Variants in CRP observed in about 807,000 individuals in gnomAD.
The protein encoded by CRP is C-reactive protein, also known as C-reactive protein, pentraxin-related.
Under a neutral mutation model 3.0 loss-of-function variants are expected in CRP, and 6 were observed. The observed-to-expected ratio is 2.02, with a 90% CI of 1.11 to 3.99. The LOEUF is 3.99. Among genes scored for constraint, CRP ranks in the 30% most tolerant of loss-of-function variants. CRP has a pLI of 0.00. For synonymous variants in CRP, 130 were observed against 111.0 expected (o/e 1.17, Z -1.08); for missense variants, 297 against 271.0 (o/e 1.10, Z -0.67).
In CRP at chr1:159,713,499, G is replaced by A. The variant is rs1660730022; in HGVS notation, c.*26C>T. 2.5e-6 allele frequency: 4 copies of A among 1,579,356 alleles called. No homozygotes were observed. Among genetic ancestry groups the A allele is most frequent in the African/African-American group, 2.7e-5 (2 of 73,190 alleles). Reference sequence around the variant, plus strand: ...CCCATGCGGTGTAAAAAACCGGGAGGTACCTTCAGGACCCACAGCTGGGCC... The same window carrying A: ...CCCATGCGGTGTAAAAAACCGGGAGATACCTTCAGGACCCACAGCTGGGCC... On this transcript the variant is annotated 3_prime_UTR_variant, in exon 2 of 2. Transcript: ENST00000255030.
chr1:159,714,261 AC>A (rs1287751242), intron 1 of CRP, 123 bp from the exon 2 acceptor site: 32 of 83,142 alleles, frequency 3.8e-4, no homozygotes, highest in Middle Eastern at 2.7e-3. Flanking sequence ...TACACACCAC[AC>A]ACACACACAC....
chr1:159,713,945 C>T lies in CRP; in HGVS notation c.255G>A (p.Trp85Ter), dbSNP rs375644141. Residue 85 changes from tryptophan to a stop codon, truncating the protein, a stop_gained, in exon 2 of 2, where the codon TGG (tryptophan) becomes TGA (stop). Coordinates refer to ENST00000255030, the MANE Select transcript of CRP (RefSeq NM_000567.3). LOFTEE classifies it low-confidence loss of function (END_TRUNC). Reference protein sequence around the residue: ...KRQDNEILIFWSKDIGYSFTV... With the variant: ...KRQDNEILIF Reference sequence around the variant, plus strand: ...TAAAACTGTATCCTATATCCTTAGACCAAAATATGAGAATCTCATTGTCTT... The same window carrying T: ...TAAAACTGTATCCTATATCCTTAGATCAAAATATGAGAATCTCATTGTCTT... 7 of 1,613,866 alleles carry T rather than the reference C, an allele frequency of 4.3e-6. No homozygotes were observed. In the Admixed American group the frequency reaches 1.0e-4, roughly 23 times the overall value.
At position 159,713,373 on chromosome 1, in the gene CRP, G is replaced by T. The variant is rs943670947; in HGVS notation, c.*152C>A. The T allele has an allele frequency of 4.2e-6, 4 of 952,882 alleles. No homozygotes were observed. Among genetic ancestry groups the T allele is most frequent in the Non-Finnish European group, 4.6e-6 (3 of 657,936 alleles). 59.0% of individuals were successfully genotyped at this position (952,882 alleles called of 1,614,324 possible). Reference sequence around the variant, plus strand: ...ATTCTCAGGCGCTGAGGAGGGTGGAGCAGGCCTGCAATGCATATAGGGGAA... The same window carrying T: ...ATTCTCAGGCGCTGAGGAGGGTGGATCAGGCCTGCAATGCATATAGGGGAA... On this transcript the variant is annotated 3_prime_UTR_variant, in exon 2 of 2. Coordinates refer to ENST00000255030, the MANE Select transcript of CRP (RefSeq NM_000567.3).
At chr1:159,714,202 C>A in intron 1 of CRP, 64 bp from the exon 2 acceptor site, 10 of 1,551,328 alleles carry the variant, frequency 6.4e-6, no homozygotes, top group South Asian at 2.5e-5. Context: ...TATCCCCTCA[C>A]TTACGTATAG....
intron 1 of CRP, 118 bp from the exon 2 acceptor site, chr1:159,714,256 AC>A (rs3138528): frequency 8.5e-6 from 8 of 941,082 alleles, no homozygotes; most frequent in Non-Finnish European, 1.2e-5. Flanking sequence ...CCAGTTACAC[AC>A]CACACACACA....
rs3093066 is a variant in CRP, at chr1:159,713,309, G to T, written c.*216C>A. On this transcript the variant is annotated 3_prime_UTR_variant, in exon 2 of 2. Transcript: ENST00000255030. ...TCTGATTCTTTTGGACCGTTTCCCA[G>T]CATAGTTAACGAGCTCCCAGACCAG... is the stretch of plus-strand genomic sequence containing the variant. The T allele has an allele frequency of 0.026, 13,683 of 524,840 alleles. 1,406 individuals carry two copies. Among genetic ancestry groups the T allele is most frequent in the African/African-American group, 0.23 (11,979 of 52,802 alleles). 32.5% of individuals were successfully genotyped at this position (524,840 alleles called of 1,614,324 possible).
At chr1:159,714,284 C>T in intron 1 of CRP, 141 bp downstream of exon 1, 1 of 1,112,036 alleles carries the variant, frequency 9.0e-7, no homozygotes, top group Non-Finnish European at 1.3e-6. Context: ...CACACACACA[C>T]ACACACACAC....
chr1:159,713,296 G>T lies in CRP; in HGVS notation c.*229C>A. On this transcript the variant is annotated 3_prime_UTR_variant, in exon 2 of 2. Transcript: ENST00000255030. ...AAACACCTCAAATTCTGATTCTTTT[G>T]GACCGTTTCCCAGCATAGTTAACGA... 2.0e-6 allele frequency: 1 copy of T among 488,076 alleles called. No homozygotes were observed. The highest frequency in any genetic ancestry group is 3.6e-6 in the Non-Finnish European group (1 of 281,328). 30.2% of individuals were successfully genotyped at this position (488,076 alleles called of 1,614,324 possible).
chr1:159,713,952 A>G lies in CRP; in HGVS notation c.248T>C (p.Ile83Thr). ...ATKRQDNEIL[I>T]FWSKDIGYSF... ...GTATCCTATATCCTTAGACCAAAATATGAGAATCTCATTGTCTTGTCTCTT... is the reference window on the plus strand; with the variant it reads ...GTATCCTATATCCTTAGACCAAAATGTGAGAATCTCATTGTCTTGTCTCTT... The change falls in exon 2 of 2, where the codon ATA becomes ACA. Residue 83 changes from isoleucine (I) to threonine (T), a missense_variant. Transcript: ENST00000255030. The G allele has an allele frequency of 6.2e-7, 1 of 1,613,930 alleles. No homozygotes were observed. Among genetic ancestry groups the G allele is most frequent in the Non-Finnish European group, 8.5e-7 (1 of 1,179,996 alleles).
At chr1:159,714,301 A>G in intron 1 of CRP, 124 bp downstream of exon 1, 1 of 1,158,574 alleles carries the variant, frequency 8.6e-7, no homozygotes, top group Non-Finnish European at 1.2e-6. Flanking sequence ...ACACACCATG[A>G]AGGATGCTCC....
intron 1 of CRP, 120 bp from the exon 2 acceptor site, chr1:159,714,258 CA>C (rs1660766516): frequency 4.0e-3 from 122 of 30,182 alleles, no homozygotes; most frequent in Non-Finnish European, 3.3e-4. Context: ...AGTTACACAC[CA>C]CACACACACA....
In CRP at chr1:159,713,828, G is replaced by T; in HGVS notation, c.372C>A (p.Ile124=). The T allele has an allele frequency of 1.2e-6, 2 of 1,614,044 alleles. No individual in the cohort carries two copies. Among genetic ancestry groups the T allele is most frequent in the Non-Finnish European group, 1.7e-6 (2 of 1,180,028 alleles). Residue 124 remains isoleucine (I), a synonymous_variant, in exon 2 of 2, where the codon ATC becomes ATA. Coordinates refer to ENST00000255030, the MANE Select transcript of CRP (RefSeq NM_000567.3). ...GCTTCCCATCTACCCAGAACTCCAC[G>T]ATCCCTGAGGCGGACTCCCAGCTTG... is the stretch of plus-strand genomic sequence containing the variant. ...ICTSWESASG[I]VEFWVDGKPR... is the part of the protein sequence containing the mutation.
Position 159,712,960 on chromosome 1 carries a change from G to A in CRP, c.*565C>T, listed in dbSNP as rs1660710792. The stretch of plus-strand genomic sequence containing the variant: ...AGTGGAGGGACTGCGTGGTATTGCT[G>A]GGCTTCCCATTTCAGGAGACCTGGG... On this transcript the variant is annotated 3_prime_UTR_variant, in exon 2 of 2. Transcript: ENST00000255030. 1 of 153,346 alleles carries A rather than the reference G, an allele frequency of 6.5e-6. No individual in the cohort carries two copies. The highest frequency in any genetic ancestry group is 1.5e-5 in the Non-Finnish European group (1 of 68,944). 9.5% of individuals were successfully genotyped at this position (153,346 alleles called of 1,614,324 possible).
At chr1:159,714,332 T>A in intron 1 of CRP, 93 bp downstream of exon 1, 1 of 169,968 alleles carries the variant, frequency 5.9e-6, no homozygotes, top group East Asian at 1.9e-4. Context: ...TCATACAGTC[T>A]TTTTTTTTTT....
At position 159,714,565 on chromosome 1, in the gene CRP, C is replaced by A; in HGVS notation, c.-80G>T. 6.8e-7 allele frequency: 1 copy of A among 1,461,968 alleles called. No individual in the cohort carries two copies. The highest frequency in any genetic ancestry group is 9.5e-7 in the Non-Finnish European group (1 of 1,052,616). 90.6% of individuals were successfully genotyped at this position (1,461,968 alleles called of 1,614,324 possible). On this transcript the variant is annotated 5_prime_UTR_variant, in exon 1 of 2. Coordinates refer to ENST00000255030, the MANE Select transcript of CRP (RefSeq NM_000567.3). ...ATGTATTCGGCTGAAAGTTCAGGGGCTAGAAGTCCTAGATCTCTTGCCTTA... is the reference window on the plus strand; with the variant it reads ...ATGTATTCGGCTGAAAGTTCAGGGGATAGAAGTCCTAGATCTCTTGCCTTA...
At chr1:159,714,365 C>A (rs1660772703) in intron 1 of CRP, 60 bp downstream of exon 1, 1 of 1,414,748 alleles carries the variant, frequency 7.1e-7, no homozygotes, top group Non-Finnish European at 9.8e-7. Flanking sequence ...TTCATGCAGT[C>A]TTAGACCCCA....
chr1:159,713,422 G>A lies in CRP; in HGVS notation c.*103C>T. 1.4e-6 allele frequency: 2 copies of A among 1,448,450 alleles called. No individual in the cohort carries two copies. The highest frequency in any genetic ancestry group is 1.4e-5 in the South Asian group (1 of 72,122). 89.7% of individuals were successfully genotyped at this position (1,448,450 alleles called of 1,614,324 possible). ...AACAAAGGCCCAGAGACAGAGACGTGGGAACCATGCAGTGTAAAAAAGCGG... is the reference window on the plus strand; with the variant it reads ...AACAAAGGCCCAGAGACAGAGACGTAGGAACCATGCAGTGTAAAAAAGCGG... On this transcript the variant is annotated 3_prime_UTR_variant, in exon 2 of 2. Coordinates refer to ENST00000255030, the MANE Select transcript of CRP (RefSeq NM_000567.3).
rs1800947 is a variant in CRP, at chr1:159,713,648, C to A, written c.552G>T (p.Leu184=). Residue 184 remains leucine (L), a synonymous_variant, in exon 2 of 2, where the codon CTG becomes CTT. Coordinates refer to ENST00000255030, the MANE Select transcript of CRP (RefSeq NM_000567.3). ...AGATGGTGTTAATCTCATCTGGTGA[C>A]AGCACAAAGTCCCACATGTTCACAT... ...IGNVNMWDFV[L]SPDEINTIYL... is the part of the protein sequence containing the mutation. The A allele has an allele frequency of 2.5e-5, 41 of 1,614,058 alleles. No individual in the cohort carries two copies. In the South Asian group the frequency reaches 4.0e-4, roughly 16 times the overall value.
intron 1 of CRP, 62 bp from the exon 2 acceptor site, chr1:159,714,200 C>T: frequency 6.4e-7 from 1 of 1,555,102 alleles, no homozygotes. Context: ...TCTATCCCCT[C>T]ACTTACGTAT....
Sources: allele counts gnomAD v4.1 joint callset, GRCh38; gene constraint gnomAD v4.1.1; transcripts MANE v1.5; gene names NCBI Gene and HGNC (gene_info 2026-07-23, HGNC 2026-07-21).